FAXDC2: variants seen among roughly 807,000 people sequenced by gnomAD.
FAXDC2 encodes the protein fatty acid hydroxylase domain containing 2.
In FAXDC2, 41 loss-of-function variants were observed where a neutral mutation model predicts 40.9. The observed-to-expected ratio is 1.00, with a 90% CI of 0.78 to 1.30. FAXDC2 has a LOEUF of 1.30. Ranked by LOEUF, FAXDC2 falls within the 50% of genes most tolerant of loss-of-function variation. The probability of loss-of-function intolerance (pLI) is 0.00; values close to 1 mark genes in which losing one functional copy is unlikely to be tolerated. For synonymous variants in FAXDC2, 157 were observed against 149.3 expected (o/e 1.05, Z -0.38); for missense variants, 390 against 408.8 (o/e 0.95, Z 0.40).
chr5:154,833,131 A>T (rs967482453), intron 4 of FAXDC2, among the ~76,000 whole-genome samples: 1 of 149,676 alleles, frequency 6.7e-6, no homozygotes, highest in Non-Finnish European at 1.5e-5. Context: ...CCACCTCCTG[A>T]GTTCAAGCGA....
intron 1 of FAXDC2, among the ~76,000 whole-genome samples, chr5:154,843,311 A>C (rs1206912214): frequency 6.6e-6 from 1 of 152,234 alleles, no homozygotes; most frequent in Non-Finnish European, 1.5e-5. Context: ...ATCTTTGCTA[A>C]GAGCTTGCAA....
chr5:154,843,751 T>C (rs1760533817), intron 1 of FAXDC2, among the ~76,000 whole-genome samples: 1 of 152,238 alleles, frequency 6.6e-6, no homozygotes, highest in African/African-American at 2.4e-5. Context: ...AAAATAGCCA[T>C]TGAAGACATT....
intron 1 of FAXDC2, among the ~76,000 whole-genome samples, chr5:154,845,779 T>C (rs902086211): frequency 1.3e-5 from 2 of 150,810 alleles, no homozygotes; most frequent in East Asian, 3.9e-4. Context: ...TGGCTTCAAG[T>C]TGGACACCTA....
chr5:154,842,189 TTTTTG>T (rs767625737), intron 1 of FAXDC2, among the ~76,000 whole-genome samples: 38 of 151,944 alleles, frequency 2.5e-4, no homozygotes, highest in African/African-American at 5.5e-4. Context: ...GTTTGTGTGT[TTTTTG>T]TTTTGTTTTG....
rs754419359 is a variant in FAXDC2, at chr5:154,823,612, A to C, written c.367-20T>G. ...ATCCACCTGCCCAAGGGAAGGGAGGAGGGAGATGGATAAGAGTGTGAGAAG... is the reference window on the plus strand; with the variant it reads ...ATCCACCTGCCCAAGGGAAGGGAGGCGGGAGATGGATAAGAGTGTGAGAAG... On this transcript the variant is annotated intron_variant, in intron 5 of 8. Coordinates refer to ENST00000326080, the MANE Select transcript of FAXDC2 (RefSeq NM_032385.5). The C allele has an allele frequency of 1.9e-6, 3 of 1,601,468 alleles. No homozygotes were observed. The South Asian group carries it at 3.3e-5, about 18-fold the overall frequency.
intron 8 of FAXDC2, 132 bp downstream of exon 8, chr5:154,821,128 T>C (rs957128081): frequency 1.3e-6 from 1 of 785,706 alleles, no homozygotes; most frequent in African/African-American, 1.8e-5. Context: ...GTGGTTATTT[T>C]CCCAGCCATC....
intron 4 of FAXDC2, 136 bp downstream of exon 4, chr5:154,834,489 C>A: frequency 1.5e-6 from 1 of 650,986 alleles, no homozygotes; most frequent in South Asian, 1.9e-5. Flanking sequence ...TTGGGACTAC[C>A]ACTTTTTTGA....
chr5:154,837,644 G>A (rs976987543), intron 2 of FAXDC2, among the ~76,000 whole-genome samples: 2 of 152,118 alleles, frequency 1.3e-5, no homozygotes, highest in Admixed American at 6.5e-5. Context: ...ATATTTGTTC[G>A]GGGATGTTGG....
At chr5:154,835,323 A>C in intron 2 of FAXDC2, 1 of 181,936 alleles carries the variant, frequency 5.5e-6, no homozygotes, top group Non-Finnish European at 1.1e-5. Flanking sequence ...GCTTAAAAAA[A>C]GTCCCAATAC....
At chr5:154,846,348 A>C (rs1335601236) in intron 1 of FAXDC2, among the ~76,000 whole-genome samples, 1 of 151,612 alleles carries the variant, frequency 6.6e-6, no homozygotes, top group Non-Finnish European at 1.5e-5. Flanking sequence ...TTCTTTCAAG[A>C]AACATTTATC....
In FAXDC2 at chr5:154,830,793, A is replaced by C. The variant is rs1474411197; in HGVS notation, c.366+8T>G. ...TGTGCTTTGACCAGAAGTTGCAACAACACTTACAGGTTCATTCTTGCCGAC... is the reference window on the plus strand; with the variant it reads ...TGTGCTTTGACCAGAAGTTGCAACACCACTTACAGGTTCATTCTTGCCGAC... On this transcript the variant is annotated splice_region_variant and intron_variant, in intron 5 of 8. Coordinates refer to ENST00000326080, the MANE Select transcript of FAXDC2 (RefSeq NM_032385.5). The C allele has an allele frequency of 6.2e-7, 1 of 1,613,834 alleles. No individual in the cohort carries two copies. Among genetic ancestry groups the C allele is most frequent in the East Asian group, 2.2e-5 (1 of 44,886 alleles).
At chr5:154,835,225 G>A (rs1467244292) in intron 2 of FAXDC2, 1 of 333,700 alleles carries the variant, frequency 3.0e-6, no homozygotes, top group Non-Finnish European at 5.6e-6. Context: ...TCAGAGGACA[G>A]GCGAGCCTCT....
chr5:154,825,474 C>G (rs147297469), intron 5 of FAXDC2, among the ~76,000 whole-genome samples: 1 of 150,918 alleles, frequency 6.6e-6, no homozygotes, highest in Non-Finnish European at 1.5e-5. Context: ...CTGACCAATA[C>G]GGTGAAACCC....
chr5:154,843,837 T>G (rs1319600261), intron 1 of FAXDC2, among the ~76,000 whole-genome samples: 2 of 152,190 alleles, frequency 1.3e-5, no homozygotes, highest in African/African-American at 2.4e-5. Flanking sequence ...AATAAAGAAA[T>G]AAGTTTGGCC....
intron 1 of FAXDC2, 96 bp from the exon 2 acceptor site, chr5:154,838,274 A>AT: frequency 8.9e-7 from 1 of 1,122,592 alleles, no homozygotes; most frequent in Non-Finnish European, 1.3e-6. Context: ...GCTAGCAGTG[A>AT]TTTTTGAAAA....
At chr5:154,850,115 C>A (rs1421035044) in intron 1 of FAXDC2, among the ~76,000 whole-genome samples, 2 of 152,234 alleles carry the variant, frequency 1.3e-5, no homozygotes, top group Non-Finnish European at 2.9e-5. Context: ...TTCTGCCTCT[C>A]ATTTGAGTTC....
intron 7 of FAXDC2, 66 bp from the exon 8 acceptor site, chr5:154,821,492 T>C: frequency 7.4e-7 from 1 of 1,358,806 alleles, no homozygotes; most frequent in Non-Finnish European, 1.0e-6. Context: ...GGGTATACAC[T>C]TAGTCCCAAG....
Position 154,838,169 on chromosome 5 carries a change from C to CTG in FAXDC2, c.9_10insCA (p.Glu4GlnfsTer22). ...TCATTGTGTAGCATATGTCCAGCTT[C>CTG]TCCTTTCATCTGGAATGAGAAAGCA... On this transcript the variant is annotated frameshift_variant, in exon 2 of 9. Transcript: ENST00000326080. LOFTEE classifies it high-confidence loss of function. The CTG allele has an allele frequency of 6.2e-7, 1 of 1,613,558 alleles. No individual in the cohort carries two copies. Among genetic ancestry groups the CTG allele is most frequent in the South Asian group, 1.1e-5 (1 of 90,980 alleles).
intron 4 of FAXDC2, among the ~76,000 whole-genome samples, chr5:154,833,906 G>A (rs1349130665): frequency 6.6e-6 from 1 of 151,696 alleles, no homozygotes; most frequent in Non-Finnish European, 1.5e-5. Context: ...CTGACCTCGT[G>A]ATCCACCTGC....
Sources: gnomAD v4.1 joint callset for allele counts (sites outside exome capture counted in the v4.1 genomes callset) on GRCh38, gnomAD v4.1.1 for gene constraint, MANE v1.5 for transcripts, NCBI Gene and HGNC (gene_info 2026-07-23, HGNC 2026-07-21) for gene names.